The following DNAH5 variants were observed in gnomAD, a reference collection of about 807,000 sequenced individuals.
The protein encoded by DNAH5 is axonemal beta dynein heavy chain 5.
DNAH5 carries 372 observed loss-of-function variants against 518.2 expected under a neutral mutation model. That is an observed-to-expected ratio of 0.72 (90% CI 0.66 to 0.78). The LOEUF (loss-of-function observed/expected upper bound fraction) is 0.78, where lower values mean the gene tolerates loss of function less well. Among genes scored for constraint, DNAH5 ranks in the 30% least tolerant of loss-of-function variants. The probability of loss-of-function intolerance (pLI) is 0.00; values close to 1 mark genes in which losing one functional copy is unlikely to be tolerated. For missense variants in DNAH5, 5,523 were observed against 5,687.0 expected (o/e 0.97, Z 0.93); for synonymous variants, 2,039 against 2,025.9 (o/e 1.01, Z -0.17).
At chr5:13,804,138 T>TA (rs1345547128) in intron 47 of DNAH5, among the ~76,000 whole-genome samples, 2 of 152,276 alleles carry the variant, frequency 1.3e-5, no homozygotes, top group Non-Finnish European at 1.5e-5. Context: ...GAATCTTTCT[T>TA]AAAAAATGGA....
chr5:13,697,194 T>C (rs771774992), intron 78 of DNAH5, among the ~76,000 whole-genome samples: 1 of 152,190 alleles, frequency 6.6e-6, no homozygotes, highest in Non-Finnish European at 1.5e-5. Context: ...TAAAATACTA[T>C]TTTTGGCTAA....
rs1019047533 is a variant in DNAH5, at chr5:13,829,949, T to A, written c.6249+77A>T. On this transcript the variant is annotated intron_variant, in intron 37 of 78. Coordinates refer to ENST00000265104, the MANE Select transcript of DNAH5 (RefSeq NM_001369.3). ...CCCAATTTCCATTCAGGAAAACAGA[T>A]GACATATGACCAGGGAGATGCATGA... 12 of 1,361,980 alleles carry A rather than the reference T, an allele frequency of 8.8e-6. No individual in the cohort carries two copies. The African/African-American group carries it at 1.1e-4, about 13-fold the overall frequency. 84.4% of individuals were successfully genotyped at this position (1,361,980 alleles called of 1,614,324 possible). A position where few individuals can be genotyped will look rare whatever the true frequency, so the allele number is the denominator to read the frequency against.
chr5:13,877,423 A>G (rs1254812207), intron 21 of DNAH5, among the ~76,000 whole-genome samples: 1 of 152,228 alleles, frequency 6.6e-6, no homozygotes, highest in East Asian at 1.9e-4. Context: ...TTGGGGGCAA[A>G]TAAGAGGTTG....
In DNAH5 at chr5:13,865,760, A is replaced by G; in HGVS notation, c.4263T>C (p.Ser1421=). 6.2e-7 allele frequency: 1 copy of G among 1,608,772 alleles called. No individual in the cohort carries two copies. The highest frequency in any genetic ancestry group is 1.3e-5 in the African/African-American group (1 of 74,928). The change falls in exon 27 of 79, where the codon AGT becomes AGC. Residue 1421 remains serine, a synonymous_variant. Transcript: ENST00000265104. ...LLQKIYTLYN[S]VIETVNSYYD... is the part of the protein sequence containing the mutation. ...AATAGCTATTTACAGTTTCTATGAC[A>G]CTGTTGTACAGAGTATATATTTTCT...
At chr5:13,705,720 G>C (rs1437157905) in intron 76 of DNAH5, among the ~76,000 whole-genome samples, 2 of 152,204 alleles carry the variant, frequency 1.3e-5, no homozygotes, top group East Asian at 3.9e-4. Flanking sequence ...GAAGGCATAA[G>C]CGTGACCCTA....
In DNAH5 at chr5:13,820,490, C is replaced by T. The variant is rs567122870; in HGVS notation, c.6697G>A (p.Ala2233Thr). The T allele has an allele frequency of 2.5e-6, 4 of 1,613,950 alleles. No homozygotes were observed. In the African/African-American group the frequency reaches 4.0e-5, roughly 16 times the overall value. Residue 2233 changes from alanine to threonine, a missense_variant, in exon 41 of 79, where the codon GCT (alanine) becomes ACT (threonine). Coordinates refer to ENST00000265104, the MANE Select transcript of DNAH5 (RefSeq NM_001369.3). ...CAAGGAGGATGGTTGATTAAACCAG[C>T]TTCTTCAACCTGAAAACATAAGAGA... Reference protein sequence around the residue: ...EAAISRQVEEAGLINHPPWKL... With the variant: ...EAAISRQVEETGLINHPPWKL...
intron 31 of DNAH5, among the ~76,000 whole-genome samples, chr5:13,849,267 C>G (rs2151880638): frequency 6.6e-6 from 1 of 152,358 alleles, no homozygotes; most frequent in East Asian, 1.9e-4. Context: ...ACGTTTTATG[C>G]TGCCCAATAC....
chr5:13,786,692 G>C (rs1358583298), intron 51 of DNAH5, among the ~76,000 whole-genome samples: 2 of 152,178 alleles, frequency 1.3e-5, no homozygotes, highest in Non-Finnish European at 2.9e-5. Context: ...GAATCAGCAA[G>C]GGAGGTCAAG....
At chr5:13,909,683 C>A (rs111666677) in intron 12 of DNAH5, among the ~76,000 whole-genome samples, 4,594 of 152,154 alleles carry the variant, frequency 0.03, 232 homozygotes, top group African/African-American at 0.1. Context: ...GTATTCTTTC[C>A]TAAGTAGCCA....
chr5:13,702,200 C>T (rs775459711), intron 76 of DNAH5, among the ~76,000 whole-genome samples: 4 of 152,166 alleles, frequency 2.6e-5, no homozygotes, highest in Non-Finnish European at 4.4e-5. Flanking sequence ...TAGATTATAA[C>T]ATTTTACTGT....
At chr5:13,788,989 T>C (rs1756521911) in intron 50 of DNAH5, 75 bp from the exon 51 acceptor site, 1 of 1,306,080 alleles carries the variant, frequency 7.7e-7, no homozygotes, top group Middle Eastern at 1.8e-4. Flanking sequence ...GACAGTACTG[T>C]AGAGTATTAT....
chr5:13,814,488 CATT>C (rs1224411337), intron 43 of DNAH5, 114 bp downstream of exon 43: 3 of 990,512 alleles, frequency 3.0e-6, no homozygotes, highest in Non-Finnish European at 3.1e-6. Flanking sequence ...CTTCCACAAA[CATT>C]AGCATAAAAA....
chr5:13,901,266 C>G lies in DNAH5; in HGVS notation c.2038G>C (p.Ala680Pro). Reference sequence around the variant, plus strand: ...TAGGGACTCACTTGCCGAAGCCACGCCCTGTGGAAGAGGACCTCAAACTCC... The same window carrying G: ...TAGGGACTCACTTGCCGAAGCCACGGCCTGTGGAAGAGGACCTCAAACTCC... ...LLEFEVLFHR[A>P]WLRQIEEIHV... Residue 680 changes from alanine (A) to proline (P), a missense_variant, in exon 14 of 79, where the codon GCG (alanine) becomes CCG (proline). Coordinates refer to ENST00000265104, the MANE Select transcript of DNAH5 (RefSeq NM_001369.3). 2 of 1,613,942 alleles carry G rather than the reference C, an allele frequency of 1.2e-6. No homozygotes were observed. Among genetic ancestry groups the G allele is most frequent in the Non-Finnish European group, 1.7e-6 (2 of 1,180,008 alleles).
chr5:13,760,499 T>C (rs1751630443), intron 60 of DNAH5, among the ~76,000 whole-genome samples: 1 of 152,232 alleles, frequency 6.6e-6, no homozygotes, highest in Non-Finnish European at 1.5e-5. Context: ...CTATGTTCAA[T>C]ATTTAAGTTC....
At chr5:13,970,822 A>C (rs1781813136) in intron 1 of DNAH5, among the ~76,000 whole-genome samples, 1 of 152,108 alleles carries the variant, frequency 6.6e-6, no homozygotes, top group Admixed American at 6.6e-5. Flanking sequence ...TTTTATTTGG[A>C]TGTCTAGCTC....
At chr5:13,937,324 T>C (rs1779017569) in intron 1 of DNAH5, among the ~76,000 whole-genome samples, 1 of 150,568 alleles carries the variant, frequency 6.6e-6, no homozygotes, top group South Asian at 2.1e-4. Flanking sequence ...TGGAGACCAG[T>C]TAACTAGCAC....
In DNAH5 at chr5:13,717,518, C is replaced by A; in HGVS notation, c.12502G>T (p.Val4168Phe). The change falls in exon 73 of 79, where the codon GTC becomes TTC. Residue 4168 changes from valine to phenylalanine, a missense_variant and splice_region_variant. Val to Phe is a conservative substitution (Grantham distance 50, BLOSUM62 -1). Transcript: ENST00000265104. ...RAGLKRTYSG[V>F]SQDLLDVSSG... is the part of the protein sequence containing the mutation. ...CTCACGTCCAGCAGGTCTTGGCTGA[C>A]ACCTGTTGTGGTCAGTTGGGTGAAA... 3.1e-6 allele frequency: 5 copies of A among 1,614,086 alleles called. No individual in the cohort carries two copies. The highest frequency in any genetic ancestry group is 4.2e-6 in the Non-Finnish European group (5 of 1,179,974).
intron 70 of DNAH5, among the ~76,000 whole-genome samples, chr5:13,723,659 C>A (rs1745349261): frequency 6.6e-6 from 1 of 152,178 alleles, no homozygotes; most frequent in Admixed American, 6.5e-5. Flanking sequence ...AAAAGCATGG[C>A]TATGTTCCAA....
intron 1 of DNAH5, among the ~76,000 whole-genome samples, chr5:13,989,482 CTTTT>C (rs34462296): frequency 1.7e-4 from 22 of 128,772 alleles, no homozygotes; most frequent in East Asian, 2.3e-4. Flanking sequence ...TAGAGGGAGA[CTTTT>C]TTTTTTTTTT....
Sources: gnomAD v4.1 joint callset for allele counts (sites outside exome capture counted in the v4.1 genomes callset) on GRCh38, gnomAD v4.1.1 for gene constraint, MANE v1.5 for transcripts, NCBI Gene and HGNC (gene_info 2026-07-23, HGNC 2026-07-21) for gene names.